ZNF850: variants seen among roughly 807,000 people sequenced by gnomAD.
ZNF850 encodes the protein putative zinc finger protein ENSP00000330994.
ZNF850 carries 2 observed loss-of-function variants against 11.9 expected under a neutral mutation model. That is an observed-to-expected ratio of 0.17 (90% CI 0.07 to 0.53). The LOEUF (loss-of-function observed/expected upper bound fraction) is 0.53. Among genes scored for constraint, ZNF850 ranks in the 20% least tolerant of loss-of-function variants. ZNF850 has a pLI of 0.94. For synonymous variants in ZNF850, 381 were observed against 443.0 expected, an observed-to-expected ratio of 0.86 and a Z score of 1.76; for missense variants, 1,014 against 1,316.4, an observed-to-expected ratio of 0.77 and a Z score of 3.55.
At position 36,750,417 on chromosome 19, in the gene ZNF850, T is replaced by G; in HGVS notation, c.623A>C (p.His208Pro). The stretch of plus-strand genomic sequence containing the variant: ...CTGATGTTTAACAAGATAGGAAAAG[T>G]GATGAAAGGCCTTCCCACACTCCTT... ...KCKECGKAFH[H>P]FSYLVKHQRI... Residue 208 changes from histidine to proline, a missense_variant, in exon 5 of 5, where the codon CAC becomes CCC. Physicochemically the swap from His to Pro is moderately conservative, Grantham distance 77 (BLOSUM62 -2). Coordinates refer to ENST00000591344, the MANE Select transcript of ZNF850 (RefSeq NM_001193552.2). The G allele has an allele frequency of 6.5e-7, 1 of 1,536,602 alleles. No individual in the cohort carries two copies. The highest frequency in any genetic ancestry group is 1.4e-5 in the African/African-American group (1 of 73,146).
intron 4 of ZNF850, among the ~76,000 whole-genome samples, chr19:36,757,531 G>A (rs1421663844): frequency 8.0e-6 from 1 of 125,102 alleles, no homozygotes. Flanking sequence ...TTTTGAGACA[G>A]AGTCTTGCTC....
intron 2 of ZNF850, 73 bp from the exon 3 acceptor site, chr19:36,762,504 G>C: frequency 1.3e-6 from 2 of 1,532,606 alleles, no homozygotes; most frequent in Non-Finnish European, 1.7e-6. Context: ...GAGATGGAAG[G>C]GTGCTGAAGG....
At position 36,744,857 on chromosome 19, in the gene ZNF850, C is replaced by G. The variant is rs1040990890; in HGVS notation, c.*2910G>C. The G allele has an allele frequency of 1.3e-5, 2 of 152,068 alleles. No homozygotes were observed. Among genetic ancestry groups the G allele is most frequent in the Non-Finnish European group, 2.9e-5 (2 of 68,028 alleles). 9.4% of individuals were successfully genotyped at this position (152,068 alleles called of 1,614,324 possible). A position where few individuals can be genotyped will look rare whatever the true frequency, so the allele number is the denominator to read the frequency against. ...CAATTGAGCCGGGCGGGGTGGCTCACGCCTGTAATCCCAGCACTTTGGGAG... is the reference window on the plus strand; with the variant it reads ...CAATTGAGCCGGGCGGGGTGGCTCAGGCCTGTAATCCCAGCACTTTGGGAG... On this transcript the variant is annotated 3_prime_UTR_variant, in exon 5 of 5. Coordinates refer to ENST00000591344, the MANE Select transcript of ZNF850 (RefSeq NM_001193552.2).
In ZNF850 at chr19:36,750,369, G is replaced by C. The variant is rs1190258722; in HGVS notation, c.671C>G (p.Pro224Arg). 1 of 1,536,468 alleles carries C rather than the reference G, an allele frequency of 6.5e-7. No individual in the cohort carries two copies. Among genetic ancestry groups the C allele is most frequent in the South Asian group, 1.2e-5 (1 of 84,052 alleles). The change falls in exon 5 of 5, where the codon CCC (proline) becomes CGC (arginine). Residue 224 changes from proline (P) to arginine (R), a missense_variant. By Grantham distance (103) the Pro-to-Arg change is moderately radical (BLOSUM62 -2). Around this residue, in one of 2 missense-constraint regions of ZNF850, gnomAD observed 835 missense variants for 1,022.0 expected, o/e 0.82. Transcript: ENST00000591344. Reference protein sequence around the residue: ...KHQRIHTGEKPCACKEYGKAF... With the variant: ...KHQRIHTGEKRCACKEYGKAF... ...TTTTCCATATTCTTTACATGCACAG[G>C]GCTTTTCCCCAGTATGAATTCTCTG...
chr19:36,761,097 G>C (rs527356268), intron 4 of ZNF850, among the ~76,000 whole-genome samples: 1 of 152,202 alleles, frequency 6.6e-6, no homozygotes, highest in East Asian at 1.9e-4. Flanking sequence ...CTTTGAAATG[G>C]GAAGAAATTA....
Position 36,748,298 on chromosome 19 carries a change from TTGAG to T in ZNF850, c.2738_2741del (p.Thr913AsnfsTer83). ...TCTCACCAGTATGGATTCGTTGATG[TTGAG>T]TAAGTTTTGAACGACGTCTAAAGGC... On this transcript the variant is annotated frameshift_variant, in exon 5 of 5. Transcript: ENST00000591344. LOFTEE classifies it low-confidence loss of function (END_TRUNC). 1 of 1,574,658 alleles carries T rather than the reference TTGAG, an allele frequency of 6.4e-7. No individual in the cohort carries two copies. The highest frequency in any genetic ancestry group is 8.6e-7 in the Non-Finnish European group (1 of 1,163,732).
chr19:36,765,582 A>ATTTTTT (rs371481745), intron 1 of ZNF850, among the ~76,000 whole-genome samples: 1 of 124,412 alleles, frequency 8.0e-6, no homozygotes. Context: ...CAAAGTAAAG[A>ATTTTTT]TTTTTTTTTT....
intron 4 of ZNF850, 135 bp downstream of exon 4, chr19:36,761,508 A>G (rs2040517974): frequency 2.2e-6 from 1 of 445,360 alleles, no homozygotes; most frequent in Non-Finnish European, 4.0e-6. Context: ...ACTTCTCTTC[A>G]TGTGTCTTAG....
chr19:36,749,896 G>C lies in ZNF850; in HGVS notation c.1144C>G (p.Arg382Gly). ...KSFTFHSALIRHQRIHTGEKP... is the reference protein window; with the variant it reads ...KSFTFHSALIGHQRIHTGEKP... ...TCACCAGTGTGAATTCGCTGATGTC[G>C]AATTAGAGCTGAGTGAAAAGTAAAA... The change falls in exon 5 of 5, where the codon CGA becomes GGA. Residue 382 changes from arginine (R) to glycine (G), a missense_variant. By Grantham distance (125) the Arg-to-Gly change is moderately radical (BLOSUM62 -2). Around this residue, in one of 2 missense-constraint regions of ZNF850, gnomAD observed 835 missense variants for 1,022.0 expected, o/e 0.82. Coordinates refer to ENST00000591344, the MANE Select transcript of ZNF850 (RefSeq NM_001193552.2). 1.3e-6 allele frequency: 2 copies of C among 1,577,764 alleles called. No individual in the cohort carries two copies. Among genetic ancestry groups the C allele is most frequent in the East Asian group, 4.6e-5 (2 of 43,078 alleles).
At position 36,746,163 on chromosome 19, in the gene ZNF850, A is replaced by G. The variant is rs992878484; in HGVS notation, c.*1604T>C. On this transcript the variant is annotated 3_prime_UTR_variant, in exon 5 of 5. Transcript: ENST00000591344. The stretch of plus-strand genomic sequence containing the variant: ...ACGTAACCATGCAGTGAACAAGTCT[A>G]TTGGCTCCATTTATTCACCAGCATG... The G allele has an allele frequency of 4.6e-5, 7 of 151,742 alleles. No homozygotes were observed. The highest frequency in any genetic ancestry group is 7.4e-5 in the Non-Finnish European group (5 of 68,006). 9.4% of individuals were successfully genotyped at this position (151,742 alleles called of 1,614,324 possible).
At chr19:36,770,563 G>A (rs1309782078) in intron 1 of ZNF850, among the ~76,000 whole-genome samples, 10 of 151,752 alleles carry the variant, frequency 6.6e-5, no homozygotes, top group Non-Finnish European at 1.3e-4. Flanking sequence ...AAAATTAGCC[G>A]GGCGTGGTGG....
chr19:36,754,008 A>G (rs1247006070), intron 4 of ZNF850, among the ~76,000 whole-genome samples: 2 of 151,954 alleles, frequency 1.3e-5, no homozygotes, highest in African/African-American at 2.4e-5. Flanking sequence ...AAGCTGGTTA[A>G]AAAAATTCAA....
chr19:36,760,302 C>A (rs1452909342), intron 4 of ZNF850, among the ~76,000 whole-genome samples: 1 of 151,960 alleles, frequency 6.6e-6, no homozygotes. Context: ...AAAAAATTAG[C>A]CAGGTGTGGT....
chr19:36,753,007 C>G (rs776879543), intron 4 of ZNF850, among the ~76,000 whole-genome samples: 1 of 151,938 alleles, frequency 6.6e-6, no homozygotes, highest in Admixed American at 6.6e-5. Flanking sequence ...CGGTGGCACA[C>G]GCCTGTAATC....
At chr19:36,761,593 G>T in intron 4 of ZNF850, 50 bp downstream of exon 4, 1 of 1,086,536 alleles carries the variant, frequency 9.2e-7, no homozygotes, top group Non-Finnish European at 1.3e-6. Flanking sequence ...TCCCTGACAG[G>T]CTGGCTTCTA....
In ZNF850 at chr19:36,762,400, T is replaced by A; in HGVS notation, c.44A>T (p.Asp15Val). 1 of 1,581,506 alleles carries A rather than the reference T, an allele frequency of 6.3e-7. No homozygotes were observed. The highest frequency in any genetic ancestry group is 8.5e-7 in the Non-Finnish European group (1 of 1,170,444). Residue 15 changes from aspartate to valine, a missense_variant, in exon 3 of 5, where the codon GAC (aspartate) becomes GTC (valine). Physicochemically the swap from Asp to Val is radical, Grantham distance 152. Transcript: ENST00000591344. ...GCACTCCCATTCCTCCTGAGAGAAG[T>A]CTATAGACAGATCCTGGAACATGAC... ...GLVMFQDLSI[D>V]FSQEEWECLD...
intron 1 of ZNF850, among the ~76,000 whole-genome samples, chr19:36,767,887 C>T (rs1445728114): frequency 1.3e-5 from 2 of 152,020 alleles, no homozygotes; most frequent in Non-Finnish European, 2.9e-5. Flanking sequence ...CCATGTTGGC[C>T]AAATAACACC....
rs2040397166 is a variant in ZNF850, at chr19:36,744,070, A to T, written c.*3697T>A. On this transcript the variant is annotated 3_prime_UTR_variant, in exon 5 of 5. Transcript: ENST00000591344. ...TGCATGCCTGTAATCCCAGCTACTCAGGAGGCTGAGGCAGGAGAATTGTTT... is the reference window on the plus strand; with the variant it reads ...TGCATGCCTGTAATCCCAGCTACTCTGGAGGCTGAGGCAGGAGAATTGTTT... The T allele has an allele frequency of 6.6e-6, 1 of 151,988 alleles. No homozygotes were observed. The highest frequency in any genetic ancestry group is 1.5e-5 in the Non-Finnish European group (1 of 68,054). The allele number at this position is 151,988 out of a possible 1,614,324, so 9.4% of individuals were successfully genotyped here.
At chr19:36,756,800 A>G (rs2040489196) in intron 4 of ZNF850, among the ~76,000 whole-genome samples, 1 of 152,086 alleles carries the variant, frequency 6.6e-6, no homozygotes, top group Non-Finnish European at 1.5e-5. Flanking sequence ...TTTTTAGTAG[A>G]GATGGGGTTT....
Sources: gnomAD v4.1 joint callset for allele counts (sites outside exome capture counted in the v4.1 genomes callset) on GRCh38, gnomAD v4.1.1 for gene constraint, gnomAD v4.1.1 regional missense constraint, MANE v1.5 for transcripts, NCBI Gene and HGNC (gene_info 2026-07-23, HGNC 2026-07-21) for gene names.